ATRN: variants seen among roughly 807,000 people sequenced by gnomAD.
ATRN encodes attractin-2.
A neutral mutation model predicts 178.7 loss-of-function variants in ATRN; 54 were observed. That is an observed-to-expected ratio of 0.30 (90% CI 0.24 to 0.38). The LOEUF is 0.38. ATRN is among the 10% of genes least tolerant of loss of function. The pLI, the probability that ATRN is intolerant of heterozygous loss-of-function variation, is 1.00. For missense variants in ATRN, 1,443 were observed against 1,815.1 expected (o/e 0.79, Z 3.73); for synonymous variants, 636 against 663.0 (o/e 0.96, Z 0.63).
At chr20:3,525,373 C>T (rs748191664) in intron 1 of ATRN, among the ~76,000 whole-genome samples, 1 of 152,140 alleles carries the variant, frequency 6.6e-6, no homozygotes, top group Non-Finnish European at 1.5e-5. Flanking sequence ...CCTGAACAGA[C>T]TAATAACGAG....
chr20:3,490,341 GA>G lies in ATRN; in HGVS notation c.410+18826del. 4 of 1,011,436 alleles carry G rather than the reference GA, an allele frequency of 4.0e-6. No homozygotes were observed. In the South Asian group the frequency reaches 5.1e-5, roughly 13 times the overall value. 62.7% of individuals were successfully genotyped at this position (1,011,436 alleles called of 1,614,324 possible). ...CTGCTTGTCTCTTTCGCCCATCCAG[GA>G]AGGTCACATTCTCCCATTTCTTCTC... On this transcript the variant is annotated intron_variant, in intron 1 of 28. Coordinates refer to ENST00000262919, the MANE Select transcript of ATRN (RefSeq NM_139321.3).
intron 23 of ATRN, among the ~76,000 whole-genome samples, chr20:3,603,789 G>A (rs1398591493): frequency 1.3e-5 from 2 of 152,014 alleles, no homozygotes; most frequent in Non-Finnish European, 2.9e-5. Flanking sequence ...CACCCGGCCA[G>A]TAAAACCATT....
intron 27 of ATRN, among the ~76,000 whole-genome samples, chr20:3,643,085 C>G (rs534207222): frequency 2.0e-5 from 3 of 152,248 alleles, no homozygotes; most frequent in Admixed American, 2.0e-4. Flanking sequence ...CTGGGTCTCC[C>G]AAAGTGCTGG....
intron 1 of ATRN, among the ~76,000 whole-genome samples, chr20:3,504,005 CAGT>C (rs2084999284): frequency 6.6e-6 from 1 of 152,098 alleles, no homozygotes. Flanking sequence ...ATTCAAATGG[CAGT>C]AGATTTCTCA....
At chr20:3,492,875 G>GCA (rs376260361) in intron 1 of ATRN, among the ~76,000 whole-genome samples, 8,339 of 106,642 alleles carry the variant, frequency 0.078, 276 homozygotes, top group African/African-American at 0.11. Flanking sequence ...GCGTGCGCAC[G>GCA]CACACACACA....
At chr20:3,624,194 T>A (rs2086918630) in intron 24 of ATRN, among the ~76,000 whole-genome samples, 1 of 152,116 alleles carries the variant, frequency 6.6e-6, no homozygotes. Flanking sequence ...TGTGTGTGGG[T>A]GGAGGCGCAG....
At chr20:3,569,921 A>AT (rs2086095290) in intron 11 of ATRN, among the ~76,000 whole-genome samples, 2 of 152,056 alleles carry the variant, frequency 1.3e-5, no homozygotes, top group African/African-American at 4.8e-5. Flanking sequence ...AAATACAAAA[A>AT]TTAGCTGGTC....
chr20:3,637,734 A>G (rs2087036506), intron 26 of ATRN, among the ~76,000 whole-genome samples: 1 of 152,150 alleles, frequency 6.6e-6, no homozygotes, highest in African/African-American at 2.4e-5. Flanking sequence ...ATGGGCTAGG[A>G]ACACATTTCA....
intron 1 of ATRN, among the ~76,000 whole-genome samples, chr20:3,480,790 T>C (rs1482880007): frequency 1.3e-5 from 2 of 152,224 alleles, no homozygotes; most frequent in Non-Finnish European, 2.9e-5. Context: ...AGAACAGTTT[T>C]GATCATATAA....
rs1039877168 is a variant in ATRN, at chr20:3,632,861, T to C, written c.3864-1450T>C. The stretch of plus-strand genomic sequence containing the variant: ...ATTAAAGTATTGATTAAAAAGACAA[T>C]GTAGGCCAGTCACGTGAGGCCTGTA... On this transcript the variant is annotated intron_variant, in intron 25 of 28. Coordinates refer to ENST00000262919, the MANE Select transcript of ATRN (RefSeq NM_139321.3). The surrounding 1 kb of genome is among the most constrained non-coding windows in gnomAD (Gnocchi z 4.2). Among the ~76,000 whole-genome samples, 1 of 152,188 alleles carries C rather than the reference T, an allele frequency of 6.6e-6. No homozygotes were observed. The highest frequency in any genetic ancestry group is 2.4e-5 in the African/African-American group (1 of 41,454).
intron 24 of ATRN, among the ~76,000 whole-genome samples, chr20:3,609,196 T>C (rs1337727412): frequency 6.6e-6 from 1 of 152,182 alleles, no homozygotes; most frequent in African/African-American, 2.4e-5. Flanking sequence ...CTCTTCAATT[T>C]CTTACATCAG....
intron 1 of ATRN, among the ~76,000 whole-genome samples, chr20:3,478,422 A>G (rs1472546614): frequency 6.6e-6 from 1 of 152,176 alleles, no homozygotes; most frequent in African/African-American, 2.4e-5. Flanking sequence ...GACATGGATG[A>G]AGCTGGAAAC....
Position 3,638,227 on chromosome 20 carries a change from T to C in ATRN, c.3943-601T>C, listed in dbSNP as rs1311047811. On this transcript the variant is annotated intron_variant, in intron 26 of 28. Transcript: ENST00000262919. The surrounding 1 kb of genome is among the most constrained non-coding windows in gnomAD (Gnocchi z 4.5). ...GTTTGCCGCACCTATCAGCCTGTTA[T>C]CTAGGTTTTAAGCCCTGCATGCATT... 1.3e-5 allele frequency among the ~76,000 whole-genome samples: 2 copies of C among 152,198 alleles called. No homozygotes were observed. The highest frequency in any genetic ancestry group is 1.9e-4 in the East Asian group (1 of 5,198).
chr20:3,604,322 A>G, intron 24 of ATRN, 60 bp downstream of exon 24: 1 of 1,500,784 alleles, frequency 6.7e-7, no homozygotes, highest in Admixed American at 2.2e-5. Context: ...TAGTAAGACT[A>G]AATTTACTAA....
At chr20:3,512,826 G>T (rs962667578) in intron 1 of ATRN, among the ~76,000 whole-genome samples, 22 of 152,218 alleles carry the variant, frequency 1.4e-4, no homozygotes, top group African/African-American at 4.1e-4. Context: ...GATATCTCAT[G>T]GTGGTTTTGA....
Position 3,584,011 on chromosome 20 carries a change from G to A in ATRN, c.2878G>A (p.Asp960Asn). 1 of 1,614,118 alleles carries A rather than the reference G, an allele frequency of 6.2e-7. No individual in the cohort carries two copies. Among genetic ancestry groups the A allele is most frequent in the Non-Finnish European group, 8.5e-7 (1 of 1,180,018 alleles). The change falls in exon 17 of 29, where the codon GAC (aspartate) becomes AAC (asparagine). Residue 960 changes from aspartate (D) to asparagine (N), a missense_variant. By Grantham distance (23) the Asp-to-Asn change is conservative. This residue lies in a region of ATRN where 212 missense variants were observed against 330.7 expected (regional missense o/e 0.64). Transcript: ENST00000262919. ...MWCSNMKQCVDSNAYVASFPF... is the reference protein window; with the variant it reads ...MWCSNMKQCVNSNAYVASFPF... The stretch of plus-strand genomic sequence containing the variant: ...GTGCAGCAACATGAAGCAGTGTGTG[G>A]ACTCCAATGCCTACGTGGCCTCCTT...
At chr20:3,548,158 G>GT (rs1173975964) in intron 5 of ATRN, among the ~76,000 whole-genome samples, 2 of 152,134 alleles carry the variant, frequency 1.3e-5, no homozygotes, top group Non-Finnish European at 2.9e-5. Context: ...TCTTCAATTT[G>GT]TTTAAGTTTT....
Position 3,600,935 on chromosome 20 carries a change from C to T in ATRN, c.3565-11C>T. The stretch of plus-strand genomic sequence containing the variant: ...TTAATTAATTTTCTAATAATTTGTA[C>T]CGCTCATCAGCAAAACAGGGATTTG... On this transcript the variant is annotated splice_polypyrimidine_tract_variant and intron_variant, in intron 22 of 28. Transcript: ENST00000262919. 1 of 1,608,228 alleles carries T rather than the reference C, an allele frequency of 6.2e-7. No individual in the cohort carries two copies. Among genetic ancestry groups the T allele is most frequent in the African/African-American group, 1.3e-5 (1 of 74,830 alleles).
intron 2 of ATRN, among the ~76,000 whole-genome samples, chr20:3,538,679 T>C (rs553159998): frequency 2.6e-5 from 4 of 152,306 alleles, no homozygotes; most frequent in African/African-American, 7.2e-5. Context: ...GTTTTCCCTT[T>C]GGAATGTCTC....
Sources: gnomAD v4.1 joint callset for allele counts (sites outside exome capture counted in the v4.1 genomes callset) on GRCh38, gnomAD v4.1.1 for gene constraint, gnomAD v4.1.1 regional missense constraint, Gnocchi (gnomAD v3.1) non-coding constraint, MANE v1.5 for transcripts, NCBI Gene and HGNC (gene_info 2026-07-23, HGNC 2026-07-21) for gene names.